PDE1C: variants seen among roughly 807,000 people sequenced by gnomAD.
PDE1C encodes the protein dual specificity calcium/calmodulin-dependent 3',5'-cyclic nucleotide phosphodiesterase 1C.
PDE1C carries 62 observed loss-of-function variants against 93.1 expected under a neutral mutation model. The ratio of observed to expected loss-of-function variants is 0.67; its 90% CI spans 0.54 to 0.82. The LOEUF is 0.82. Among genes scored for constraint, PDE1C ranks in the 40% least tolerant of loss-of-function variants. PDE1C has a pLI of 0.00. For missense variants in PDE1C, 742 were observed against 884.6 expected, an observed-to-expected ratio of 0.84 and a Z score of 2.04; for synonymous variants, 325 against 310.1, an observed-to-expected ratio of 1.05 and a Z score of -0.50.
At chr7:31,963,777 C>T (rs1266324349) in intron 2 of PDE1C, among the ~76,000 whole-genome samples, 3 of 152,172 alleles carry the variant, frequency 2.0e-5, no homozygotes, top group Non-Finnish European at 4.4e-5. Context: ...CTTATTAACT[C>T]AGTCTGGCAT....
upstream of PDE1C, among the ~76,000 whole-genome samples, chr7:32,300,024 T>C (rs570791802): frequency 2.0e-5 from 3 of 152,306 alleles, no homozygotes; most frequent in African/African-American, 7.2e-5. Context: ...ATATTCTTAA[T>C]TGATTCCAGT....
At chr7:32,290,627 G>A (rs2128896817) in intron 1 of PDE1C, among the ~76,000 whole-genome samples, 1 of 152,274 alleles carries the variant, frequency 6.6e-6, no homozygotes, top group South Asian at 2.1e-4. Flanking sequence ...CAGGTCTTCT[G>A]TATCACTTGC....
At chr7:31,815,200 C>A (rs547052398) in intron 15 of PDE1C, among the ~76,000 whole-genome samples, 70 of 152,278 alleles carry the variant, frequency 4.6e-4, no homozygotes, top group African/African-American at 1.6e-3. Context: ...CATGTCACTA[C>A]TTTCACTTGC....
chr7:32,082,007 G>C (rs891772589), intron 3 of PDE1C, among the ~76,000 whole-genome samples: 3 of 152,182 alleles, frequency 2.0e-5, no homozygotes, highest in African/African-American at 4.8e-5. Flanking sequence ...CCAGATAGTG[G>C]GTGCAGGACA....
intron 2 of PDE1C, among the ~76,000 whole-genome samples, chr7:32,042,786 T>C (rs1792007066): frequency 6.6e-6 from 1 of 152,206 alleles, no homozygotes. Context: ...GTGATTCAGT[T>C]AAACAGCAGA....
chr7:32,374,845 T>C (rs1784408210), intron 1 of PDE1C, among the ~76,000 whole-genome samples: 1 of 152,206 alleles, frequency 6.6e-6, no homozygotes, highest in Admixed American at 6.5e-5. Flanking sequence ...AAGAATTCAA[T>C]TGTATCCCAG....
chr7:32,257,976 T>C lies in PDE1C; in HGVS notation c.85+40675A>G, dbSNP rs964521549. 2.0e-5 allele frequency among the ~76,000 whole-genome samples: 3 copies of C among 152,258 alleles called. No individual in the cohort carries two copies. In the East Asian group the frequency reaches 5.8e-4, roughly 29 times the overall value. On this transcript the variant is annotated intron_variant, in intron 1 of 18. Coordinates refer to the PDE1C transcript ENST00000396193. ...GTTACATGCTGTCTATCCATCTACC[T>C]GCTCAGGCAAATTGGATAATCTCCA...
intron 7 of PDE1C, among the ~76,000 whole-genome samples, chr7:31,858,056 C>T (rs1277312554): frequency 6.6e-6 from 1 of 152,046 alleles, no homozygotes; most frequent in East Asian, 1.9e-4. Flanking sequence ...CATTAAAATA[C>T]CGAAAGACTG....
At chr7:32,425,214 C>G (rs1241850240) in intron 1 of PDE1C, among the ~76,000 whole-genome samples, 2 of 152,028 alleles carry the variant, frequency 1.3e-5, no homozygotes, top group Non-Finnish European at 2.9e-5. Flanking sequence ...CTCTGCTATT[C>G]CACACAATAT....
chr7:31,836,352 C>G (rs914973521), intron 11 of PDE1C, among the ~76,000 whole-genome samples: 3 of 151,558 alleles, frequency 2.0e-5, no homozygotes, highest in African/African-American at 7.3e-5. Flanking sequence ...TTTTCTTTTT[C>G]TGAGACAGAG....
chr7:31,622,219 A>G, the PDE1C span, among the ~76,000 whole-genome samples: 236 of 145,650 alleles, frequency 1.6e-3, 1 homozygote, highest in African/African-American at 5.7e-3. Context: ...CAACAAGGAT[A>G]CCCAGGAATT....
intron 17 of PDE1C, among the ~76,000 whole-genome samples, chr7:31,763,982 A>G (rs1279185771): frequency 2.0e-5 from 3 of 148,436 alleles, no homozygotes; most frequent in Non-Finnish European, 4.5e-5. Context: ...TTATGTATAT[A>G]TTATATATAT....
chr7:31,660,971 T>A, the PDE1C span, among the ~76,000 whole-genome samples: 1 of 152,088 alleles, frequency 6.6e-6, no homozygotes, highest in East Asian at 1.9e-4. Flanking sequence ...ATAAAACACT[T>A]AGAAATAATG....
chr7:31,751,167 C>T (rs1794120194), downstream of PDE1C: 3 of 152,114 alleles, frequency 2.0e-5, no homozygotes, highest in African/African-American at 7.2e-5. Flanking sequence ...AAATGGCTCA[C>T]ATACAAGAAA....
At chr7:31,825,362 G>A (rs775580638) in intron 12 of PDE1C, among the ~76,000 whole-genome samples, 17 of 152,208 alleles carry the variant, frequency 1.1e-4, no homozygotes, top group African/African-American at 3.9e-4. Flanking sequence ...CACTCTGGGC[G>A]GTGGGAATGG....
At chr7:31,966,435 A>G (rs1327848179) in intron 2 of PDE1C, among the ~76,000 whole-genome samples, 1 of 152,182 alleles carries the variant, frequency 6.6e-6, no homozygotes, top group Non-Finnish European at 1.5e-5. Context: ...TGCACCCAAC[A>G]CAGGAGCACC....
Position 31,909,096 on chromosome 7 carries a change from T to C in PDE1C, c.129-28236A>G, listed in dbSNP as rs561146568. Among the ~76,000 whole-genome samples, 24 of 152,188 alleles carry C rather than the reference T, an allele frequency of 1.6e-4. No homozygotes were observed. The South Asian group carries it at 5.0e-3, about 32-fold the overall frequency. Reference sequence around the variant, plus strand: ...GCTTTTGCTTGCAAGAAGTCTCTTATTATGTATCTCCTACTGGCTCTACTT... The same window carrying C: ...GCTTTTGCTTGCAAGAAGTCTCTTACTATGTATCTCCTACTGGCTCTACTT... On this transcript the variant is annotated intron_variant, in intron 2 of 17. Transcript: ENST00000396191.
chr7:32,037,832 C>T (rs1249449644), intron 2 of PDE1C, among the ~76,000 whole-genome samples: 1 of 152,164 alleles, frequency 6.6e-6, no homozygotes, highest in Non-Finnish European at 1.5e-5. Context: ...TTGCATAGTT[C>T]CACTCAGTAA....
chr7:32,160,240 A>AG (rs1329213240), intron 3 of PDE1C, among the ~76,000 whole-genome samples: 1 of 152,182 alleles, frequency 6.6e-6, no homozygotes, highest in African/African-American at 2.4e-5. Context: ...CTAAATCATC[A>AG]GAAAAAAAAA....
Sources: allele counts gnomAD v4.1 joint callset (sites outside exome capture counted in the v4.1 genomes callset), GRCh38; gene constraint gnomAD v4.1.1; transcripts MANE v1.5; gene names NCBI Gene and HGNC (gene_info 2026-07-23, HGNC 2026-07-21).